The following MADCAM1 variants were observed in gnomAD, a reference collection of about 807,000 sequenced individuals.
MADCAM1 encodes mucosal vascular addressin cell adhesion molecule 1, also known as mucosal addressin cell adhesion molecule 1.
A neutral mutation model predicts 26.1 loss-of-function variants in MADCAM1; 19 were observed. That is an observed-to-expected ratio of 0.73 (90% CI 0.51 to 1.07). The LOEUF is 1.07. Ranked by LOEUF, MADCAM1 falls within the 50% of genes least tolerant of loss-of-function variation. MADCAM1 has a pLI of 0.00. For synonymous variants in MADCAM1, 268 were observed against 260.9 expected (o/e 1.03, Z -0.26); for missense variants, 514 against 542.1 (o/e 0.95, Z 0.51).
Position 497,995 on chromosome 19 carries a change from C to A in MADCAM1, c.215C>A (p.Ser72Ter). 2.7e-6 allele frequency: 4 copies of A among 1,502,924 alleles called. No individual in the cohort carries two copies. Among genetic ancestry groups the A allele is most frequent in the Non-Finnish European group, 3.5e-6 (4 of 1,132,106 alleles). 93.1% of individuals were successfully genotyped at this position (1,502,924 alleles called of 1,614,324 possible). Residue 72 changes from serine (S) to a stop codon, truncating the protein, a stop_gained, in exon 2 of 5, where the codon TCG becomes TAG. Transcript: ENST00000215637. LOFTEE classifies it high-confidence loss of function. ...GACACCAGCCTGGGCGCGGTGCAGT[C>A]GGACACGGGCCGCAGCGTCCTCACC... ...GLDTSLGAVQ[S>*]DTGRSVLTVR...
intron 4 of MADCAM1, among the ~76,000 whole-genome samples, chr19:504,191 T>C (rs1221486949): frequency 6.6e-6 from 1 of 151,884 alleles, no homozygotes; most frequent in East Asian, 1.9e-4. Flanking sequence ...GACTAAGTCT[T>C]CAAAGTGCAG....
At chr19:501,525 T>C in intron 3 of MADCAM1, 144 bp from the exon 4 acceptor site, 1 of 376,686 alleles carries the variant, frequency 2.7e-6, no homozygotes, top group Non-Finnish European at 4.5e-6. Context: ...AAAGAATAAA[T>C]GGAAATGTGA....
At chr19:497,742 G>A (rs1978292177) in intron 1 of MADCAM1, 91 bp from the exon 2 acceptor site, 3 of 1,055,878 alleles carry the variant, frequency 2.8e-6, no homozygotes, top group African/African-American at 1.7e-5. Context: ...CAGAGGCGGG[G>A]CGGGGTCCGG....
rs150040042 is a variant in MADCAM1 at position 504,948 on chromosome 19, G to A, written c.1132G>A (p.Gly378Arg). The A allele has an allele frequency of 1.2e-3, 1,872 of 1,596,916 alleles. 11 individuals carry two copies. In the African/African-American group the frequency reaches 0.016, roughly 14 times the overall value. Reference sequence around the variant, plus strand: ...TGGGTTAAGGGGGACCGGCCAGGTCGGGATCAGCCCCTCCTGAGTGGCCAG... The same window carrying A: ...TGGGTTAAGGGGGACCGGCCAGGTCAGGATCAGCCCCTCCTGAGTGGCCAG... ...WAGLRGTGQVGISPS is the reference protein window; with the variant it reads ...WAGLRGTGQVRISPS Residue 378 changes from glycine (G) to arginine (R), a missense_variant, in exon 5 of 5, where the codon GGG becomes AGG. Physicochemically the swap from Gly to Arg is moderately radical, Grantham distance 125. Around this residue, in one of 3 missense-constraint regions of MADCAM1, gnomAD observed 152 missense variants for 136.7 expected, o/e 1.11. Transcript: ENST00000215637.
At chr19:498,245 C>G in intron 2 of MADCAM1, 128 bp downstream of exon 2, 1 of 1,046,940 alleles carries the variant, frequency 9.6e-7, no homozygotes, top group Non-Finnish European at 1.3e-6. Flanking sequence ...TCCCCGAAGC[C>G]AGGTCCCCGG....
intron 4 of MADCAM1, among the ~76,000 whole-genome samples, 170 bp downstream of exon 4, chr19:502,099 G>C (rs775993747): frequency 2.0e-5 from 3 of 151,632 alleles, no homozygotes; most frequent in African/African-American, 7.3e-5. Context: ...CCCAGCCTCG[G>C]TTTCCCCGTC....
rs2145826489 is a variant in MADCAM1 at position 504,846 on chromosome 19, C to T, written c.1030C>T (p.Arg344Cys). ...LALPTYHLWK[R>C]CRHLAEDDTH... Reference sequence around the variant, plus strand: ...CTTGCCCACCTATCACCTCTGGAAACGCTGCCGGCACCTGGCTGAGGACGA... The same window carrying T: ...CTTGCCCACCTATCACCTCTGGAAATGCTGCCGGCACCTGGCTGAGGACGA... The change falls in exon 5 of 5, where the codon CGC becomes TGC. Residue 344 changes from arginine to cysteine, a missense_variant. Coordinates refer to ENST00000215637, the MANE Select transcript of MADCAM1 (RefSeq NM_130760.3). 3.1e-6 allele frequency: 5 copies of T among 1,612,978 alleles called. No individual in the cohort carries two copies. Among genetic ancestry groups the T allele is most frequent in the Non-Finnish European group, 4.2e-6 (5 of 1,179,988 alleles).
At chr19:502,127 C>T (rs1978379328) in intron 4 of MADCAM1, among the ~76,000 whole-genome samples, 198 bp downstream of exon 4, 1 of 152,052 alleles carries the variant, frequency 6.6e-6, no homozygotes, top group Non-Finnish European at 1.5e-5. Flanking sequence ...CCTCGGTTTC[C>T]CCATCTGCCC....
In MADCAM1 at chr19:505,006, C is replaced by A; in HGVS notation, c.*41C>A. On this transcript the variant is annotated 3_prime_UTR_variant, in exon 5 of 5. Transcript: ENST00000215637. Reference sequence around the variant, plus strand: ...CCCTGTGAAAGCAAAATAGCTTGGACCCCTTCAAGTTGAGAACTGGTCAGG... The same window carrying A: ...CCCTGTGAAAGCAAAATAGCTTGGAACCCTTCAAGTTGAGAACTGGTCAGG... 1.4e-6 allele frequency: 2 copies of A among 1,474,802 alleles called. No homozygotes were observed. 91.4% of individuals were successfully genotyped at this position (1,474,802 alleles called of 1,614,324 possible).
chr19:498,276 A>C (rs1600384734), intron 2 of MADCAM1, among the ~76,000 whole-genome samples, 159 bp downstream of exon 2: 3 of 148,926 alleles, frequency 2.0e-5, no homozygotes, highest in African/African-American at 5.0e-5. Flanking sequence ...CCTCCAACTC[A>C]CCCCAACTCT....
chr19:503,506 G>A (rs1284445389), intron 4 of MADCAM1, among the ~76,000 whole-genome samples: 4 of 149,716 alleles, frequency 2.7e-5, no homozygotes, highest in Non-Finnish European at 5.9e-5. Flanking sequence ...GCGTGAACCT[G>A]GGAGGCGGAG....
In MADCAM1 at chr19:498,059, G is replaced by A. The variant is rs1204814681; in HGVS notation, c.279G>A (p.Val93=). ...NASLSAAGTR[V]CVGSCGGRTF... ...CGCTGTCGGCGGCCGGGACCCGCGTGTGCGTGGGCTCCTGCGGGGGCCGCA... is the reference window on the plus strand; with the variant it reads ...CGCTGTCGGCGGCCGGGACCCGCGTATGCGTGGGCTCCTGCGGGGGCCGCA... Residue 93 remains valine, a synonymous_variant, in exon 2 of 5, where the codon GTG becomes GTA. Coordinates refer to ENST00000215637, the MANE Select transcript of MADCAM1 (RefSeq NM_130760.3). The A allele has an allele frequency of 4.8e-6, 7 of 1,473,364 alleles. No individual in the cohort carries two copies. The highest frequency in any genetic ancestry group is 2.7e-5 in the East Asian group (1 of 37,136). The allele number at this position is 1,473,364 out of a possible 1,614,324, so 91.3% of individuals were successfully genotyped here. A position where few individuals can be genotyped will look rare whatever the true frequency, so the allele number is the denominator to read the frequency against.
chr19:500,132 C>T (rs1171803439), intron 3 of MADCAM1: 2 of 456,286 alleles, frequency 4.4e-6, no homozygotes, highest in South Asian at 1.5e-5. Flanking sequence ...CCCCAAGCAC[C>T]TTCTCTCTCC....
Position 498,100 on chromosome 19 carries a change from T to C in MADCAM1, c.320T>C (p.Val107Ala), listed in dbSNP as rs1978294967. Residue 107 changes from valine (V) to alanine (A), a missense_variant, in exon 2 of 5, where the codon GTG (valine) becomes GCG (alanine). This residue lies in a region of MADCAM1 where 317 missense variants were observed against 313.6 expected (regional missense o/e 1.01). Coordinates refer to ENST00000215637, the MANE Select transcript of MADCAM1 (RefSeq NM_130760.3). ...SCGGRTFQHT[V>A]QLLVYAFPDQ... The stretch of plus-strand genomic sequence containing the variant: ...GGGGGCCGCACCTTCCAGCACACCG[T>C]GCAGCTCCTTGTGTACGGTGAGGCG... The C allele has an allele frequency of 7.9e-6, 11 of 1,384,750 alleles. No homozygotes were observed. Among genetic ancestry groups the C allele is most frequent in the Non-Finnish European group, 9.3e-6 (10 of 1,070,958 alleles). 85.8% of individuals were successfully genotyped at this position (1,384,750 alleles called of 1,614,324 possible).
At chr19:501,228 G>A (rs1370889318) in intron 3 of MADCAM1, among the ~76,000 whole-genome samples, 1 of 151,042 alleles carries the variant, frequency 6.6e-6, no homozygotes, top group East Asian at 1.9e-4. Context: ...GCTCACGCCT[G>A]TAATCCCAGC....
chr19:499,107 T>G, intron 3 of MADCAM1: 3 of 633,432 alleles, frequency 4.7e-6, no homozygotes, highest in East Asian at 3.2e-5. Flanking sequence ...CTGCACGACC[T>G]ACCCTGTCCC....
Position 498,592 on chromosome 19 carries a change from A to G in MADCAM1, c.434A>G (p.Asn145Ser). ...CACAAAGTCACGCCCGTGGACCCCA[A>G]CGCGCTCTCCTTCTCCCTGCTCGTC... ...TAHKVTPVDP[N>S]ALSFSLLVGG... Residue 145 changes from asparagine to serine, a missense_variant, in exon 3 of 5, where the codon AAC becomes AGC. Coordinates refer to ENST00000215637, the MANE Select transcript of MADCAM1 (RefSeq NM_130760.3). The G allele has an allele frequency of 1.3e-6, 2 of 1,484,102 alleles. No homozygotes were observed. Among genetic ancestry groups the G allele is most frequent in the South Asian group, 2.8e-5 (2 of 70,384 alleles). 91.9% of individuals were successfully genotyped at this position (1,484,102 alleles called of 1,614,324 possible). A position where few individuals can be genotyped will look rare whatever the true frequency, so the allele number is the denominator to read the frequency against.
At position 503,493 on chromosome 19, in the gene MADCAM1, A is replaced by C. The variant is rs1321178395; in HGVS notation, c.929-1252A>C. ...CTACTCGGGAGGCTGAGGCAGGAGAATGGCGTGAACCTGGGAGGCGGAGCC... is the reference window on the plus strand; with the variant it reads ...CTACTCGGGAGGCTGAGGCAGGAGACTGGCGTGAACCTGGGAGGCGGAGCC... On this transcript the variant is annotated intron_variant, in intron 4 of 4. Transcript: ENST00000215637. Among the ~76,000 whole-genome samples the C allele has an allele frequency of 2.0e-5, 3 of 148,866 alleles. No homozygotes were observed. In the East Asian group the frequency reaches 6.0e-4, roughly 30 times the overall value.
At chr19:502,668 A>G (rs118175540) in intron 4 of MADCAM1, among the ~76,000 whole-genome samples, 4 of 152,204 alleles carry the variant, frequency 2.6e-5, no homozygotes, top group Non-Finnish European at 4.4e-5. Context: ...AACAAATTTA[A>G]TTCTCTCAGC....
Sources: gnomAD v4.1 joint callset for allele counts (sites outside exome capture counted in the v4.1 genomes callset) on GRCh38, gnomAD v4.1.1 for gene constraint, gnomAD v4.1.1 regional missense constraint, MANE v1.5 for transcripts, NCBI Gene and HGNC (gene_info 2026-07-23, HGNC 2026-07-21) for gene names.